The following C5orf63 variants were observed in gnomAD, a reference collection of about 807,000 sequenced individuals.
C5orf63 encodes glutaredoxin-like protein C5orf63.
Under a neutral mutation model 13.3 loss-of-function variants are expected in C5orf63, and 18 were observed. The ratio of observed to expected loss-of-function variants is 1.36; its 90% CI spans 0.94 to 2.01. The LOEUF (loss-of-function observed/expected upper bound fraction) is 2.01. C5orf63 is among the 30% of genes most tolerant of loss of function. C5orf63 has a pLI of 0.00. For missense variants in C5orf63, 118 were observed against 127.7 expected, an observed-to-expected ratio of 0.92 and a Z score of 0.36; for synonymous variants, 38 against 44.7, an observed-to-expected ratio of 0.85 and a Z score of 0.60.
At chr5:127,043,166 AAC>A (rs1272509962), downstream of C5orf63, 1 of 152,204 alleles carries the variant, frequency 6.6e-6, no homozygotes, top group East Asian at 1.9e-4. Context: ...ATTTTTAAAA[AAC>A]ACTGCTTTAA....
chr5:127,045,899 A>T (rs1753510818), exon 5 of C5orf63: 1 of 152,230 alleles, frequency 6.6e-6, no homozygotes, highest in East Asian at 1.9e-4. Flanking sequence ...CAAATCACAA[A>T]AGGCATCACG....
chr5:127,064,501 C>T (rs1754244936), intron 2 of C5orf63, among the ~76,000 whole-genome samples: 1 of 152,182 alleles, frequency 6.6e-6, no homozygotes, highest in African/African-American at 2.4e-5. Flanking sequence ...TTCATTCTGA[C>T]TACACAGTTT....
intron 2 of C5orf63, among the ~76,000 whole-genome samples, chr5:127,070,604 A>C (rs1754499882): frequency 1.3e-5 from 2 of 152,240 alleles, no homozygotes; most frequent in South Asian, 4.1e-4. Flanking sequence ...ACCTAGACTT[A>C]AAATAGTGAC....
In C5orf63 at chr5:127,051,447, C is replaced by T; in HGVS notation, c.*324G>A. On this transcript the variant is annotated 3_prime_UTR_variant, in exon 5 of 5. Coordinates refer to ENST00000296662, the MANE Select transcript of C5orf63 (RefSeq NM_001164478.2). ...GCAGCAGGAATGCAGAACCTTCTTC[C>T]TATAAATGGCATTGCCCAGTGACTG... 8.1e-7 allele frequency: 1 copy of T among 1,232,974 alleles called. No individual in the cohort carries two copies. Among genetic ancestry groups the T allele is most frequent in the Middle Eastern group, 3.1e-4 (1 of 3,212 alleles). The allele number at this position is 1,232,974 out of a possible 1,614,324, so 76.4% of individuals were successfully genotyped here. A position where few individuals can be genotyped will look rare whatever the true frequency, so the allele number is the denominator to read the frequency against.
At chr5:127,063,786 G>C (rs1029097083) in intron 2 of C5orf63, among the ~76,000 whole-genome samples, 1 of 152,152 alleles carries the variant, frequency 6.6e-6, no homozygotes, top group African/African-American at 2.4e-5. Flanking sequence ...CAGGGCTTCT[G>C]TTCAGTCATT....
At chr5:127,045,490 GAC>G (rs879853625) in exon 5 of C5orf63, 3 of 152,068 alleles carry the variant, frequency 2.0e-5, no homozygotes, top group African/African-American at 7.2e-5. Context: ...CTCTTATAGA[GAC>G]ACCTGTGATT....
At chr5:127,071,158 C>T (rs569070420) in intron 2 of C5orf63, among the ~76,000 whole-genome samples, 2 of 152,264 alleles carry the variant, frequency 1.3e-5, no homozygotes, top group Admixed American at 6.5e-5. Flanking sequence ...TTGTCACTGC[C>T]CTTAAGAAAC....
At chr5:127,044,717 C>T (rs1165716360), downstream of C5orf63, 1 of 151,936 alleles carries the variant, frequency 6.6e-6, no homozygotes, top group Non-Finnish European at 1.5e-5. Context: ...AACTCTCCTC[C>T]CCACAATTCA....
intron 2 of C5orf63, among the ~76,000 whole-genome samples, chr5:127,059,595 G>T (rs1336843162): frequency 1.3e-5 from 2 of 151,896 alleles, no homozygotes; most frequent in African/African-American, 4.8e-5. Flanking sequence ...GGGTGTGGTG[G>T]TGTACACCTG....
downstream of C5orf63, chr5:127,043,730 A>G (rs1753456997): frequency 1.3e-5 from 2 of 152,198 alleles, no homozygotes; most frequent in Non-Finnish European, 2.9e-5. Flanking sequence ...ATTATGCATC[A>G]ATGCCCATTT....
chr5:127,068,081 C>T (rs892574190), intron 2 of C5orf63, among the ~76,000 whole-genome samples: 1 of 152,154 alleles, frequency 6.6e-6, no homozygotes, highest in South Asian at 2.1e-4. Context: ...AAATCCTCAT[C>T]TCCTAAAGCC....
intron 2 of C5orf63, among the ~76,000 whole-genome samples, chr5:127,062,002 T>A (rs887776477): frequency 2.6e-5 from 4 of 152,208 alleles, no homozygotes; most frequent in African/African-American, 9.6e-5. Context: ...TTTATTGACG[T>A]CTGGTTGATA....
At chr5:127,043,424 C>T (rs904768494), downstream of C5orf63, 1 of 152,130 alleles carries the variant, frequency 6.6e-6, no homozygotes, top group South Asian at 2.1e-4. Context: ...AGAACCCTAA[C>T]TTGAGAATGC....
intron 2 of C5orf63, among the ~76,000 whole-genome samples, chr5:127,060,581 C>A (rs561038192): frequency 6.6e-6 from 1 of 152,240 alleles, no homozygotes; most frequent in African/African-American, 2.4e-5. Flanking sequence ...CTGAGATCAT[C>A]ATTTTTAAAC....
At position 127,058,937 on chromosome 5, in the gene C5orf63, A is replaced by G; in HGVS notation, c.59T>C (p.Leu20Ser). The change falls in exon 3 of 5, where the codon TTG becomes TCG. Residue 20 changes from leucine (L) to serine (S), a missense_variant. Leu to Ser is a moderately radical substitution (Grantham distance 145). Coordinates refer to ENST00000296662, the MANE Select transcript of C5orf63 (RefSeq NM_001164478.2). ...QLARSSFGLF[L>S]RNCSASKTTL... The stretch of plus-strand genomic sequence containing the variant: ...TGTCTTAGAGGCAGAGCAATTTCTC[A>G]AGAAGAGTCCAAAGGAGGATCTGGC... The G allele has an allele frequency of 1.3e-6, 2 of 1,537,096 alleles. No homozygotes were observed. The highest frequency in any genetic ancestry group is 1.2e-5 in the South Asian group (1 of 84,062).
downstream of C5orf63, among the ~76,000 whole-genome samples, chr5:127,049,951 AT>A (rs1247286455): frequency 7.9e-5 from 12 of 152,180 alleles, no homozygotes; most frequent in South Asian, 6.2e-4. Flanking sequence ...TTGGCCGAGA[AT>A]TACTCAGTTC....
chr5:127,051,796 A>G lies in C5orf63; in HGVS notation c.323T>C (p.Leu108Pro). ...TSKLEKQLLK[L>P]EQQSTGG is the part of the protein sequence containing the mutation. ...TCAGCCTCCAGTACTTTGCTGCTCA[A>G]GTTTCAGGAGCTGTTTTTCAAGTTT... The change falls in exon 5 of 5, where the codon CTT becomes CCT. Residue 108 changes from leucine to proline, a missense_variant. By Grantham distance (98) the Leu-to-Pro change is moderately conservative (BLOSUM62 -3). Transcript: ENST00000296662. 1 of 1,527,564 alleles carries G rather than the reference A, an allele frequency of 6.5e-7. No homozygotes were observed. The highest frequency in any genetic ancestry group is 8.7e-7 in the Non-Finnish European group (1 of 1,143,116). The allele number at this position is 1,527,564 out of a possible 1,614,324, so 94.6% of individuals were successfully genotyped here.
downstream of C5orf63, chr5:127,044,769 C>CT (rs5871239): frequency 0.44 from 55,696 of 127,732 alleles, 12,100 homozygotes; most frequent in East Asian, 0.66. Flanking sequence ...TCATTCTATG[C>CT]TTTTTTTTTT....
At chr5:127,072,837 T>A (rs2126907200) in intron 1 of C5orf63, among the ~76,000 whole-genome samples, 1 of 152,334 alleles carries the variant, frequency 6.6e-6, no homozygotes, top group South Asian at 2.1e-4. Flanking sequence ...CTGCTATTTG[T>A]CAGAAGTGAA....
Sources: allele counts gnomAD v4.1 joint callset (sites outside exome capture counted in the v4.1 genomes callset), GRCh38; gene constraint gnomAD v4.1.1; transcripts MANE v1.5; gene names NCBI Gene and HGNC (gene_info 2026-07-23, HGNC 2026-07-21).